The following RPS29 variants were observed in gnomAD, a reference collection of about 807,000 sequenced individuals.
The protein encoded by RPS29 is ribosomal protein S29, also known as small ribosomal subunit protein uS14.
For missense variants in RPS29, 60 were observed against 75.7 expected (o/e 0.79, Z 0.77); for synonymous variants, 37 against 26.9 (o/e 1.37, Z -1.16).
rs1490031487 is a variant in RPS29, at chr14:49,586,035, T to C, written c.77A>G (p.Asn26Ser). ...QGSRSCRVCSNRHGLIRKYGL... is the reference protein window; with the variant it reads ...QGSRSCRVCSSRHGLIRKYGL... The stretch of plus-strand genomic sequence containing the variant: ...ATATTTCCGGATCAGACCGTGCCGG[T>C]TTGAACAGACACGACTGTAAGAAAA... The change falls in exon 2 of 3, where the codon AAC becomes AGC. Residue 26 changes from asparagine to serine, a missense_variant. By Grantham distance (46) the Asn-to-Ser change is conservative. Transcript: ENST00000245458. 1 of 1,613,784 alleles carries C rather than the reference T, an allele frequency of 6.2e-7. No individual in the cohort carries two copies. Among genetic ancestry groups the C allele is most frequent in the Admixed American group, 1.7e-5 (1 of 60,006 alleles).
chr14:49,597,074 T>C (rs1348346337), intron 1 of RPS29, among the ~76,000 whole-genome samples: 2 of 151,836 alleles, frequency 1.3e-5, no homozygotes. Context: ...GCCAACACTC[T>C]GTCTAATTTT....
At chr14:49,585,043 CTTTAAG>C (rs1347903309) in intron 2 of RPS29, among the ~76,000 whole-genome samples, 4 of 152,074 alleles carry the variant, frequency 2.6e-5, no homozygotes, top group Non-Finnish European at 5.9e-5. Context: ...CGGCCCCAAA[CTTTAAG>C]TTCATTCCAG....
At chr14:49,594,154 T>C (rs1308990722) in intron 1 of RPS29, among the ~76,000 whole-genome samples, 1 of 152,216 alleles carries the variant, frequency 6.6e-6, no homozygotes, top group African/African-American at 2.4e-5. Flanking sequence ...GGCTGCAGTA[T>C]GGATGGTGGA....
intron 1 of RPS29, chr14:49,598,354 T>C: frequency 1.5e-6 from 1 of 647,776 alleles, no homozygotes; most frequent in Admixed American, 2.3e-5. Context: ...GGACGGTCTT[T>C]CCACGTCTCA....
At chr14:49,595,600 C>T (rs1881804056) in intron 1 of RPS29, among the ~76,000 whole-genome samples, 1 of 149,924 alleles carries the variant, frequency 6.7e-6, no homozygotes, top group Admixed American at 6.7e-5. Context: ...ACCCTGTCTC[C>T]AAAACTAAGC....
chr14:49,571,936 T>C (rs1444995433), exon 3 of RPS29: 1 of 151,984 alleles, frequency 6.6e-6, no homozygotes, highest in Non-Finnish European at 1.5e-5. Flanking sequence ...AACCCCTACG[T>C]TTTATTGTTT....
upstream of RPS29, among the ~76,000 whole-genome samples, chr14:49,591,069 G>A (rs7153064): frequency 8.4e-3 from 1,280 of 151,984 alleles, 15 homozygotes; most frequent in African/African-American, 0.029. Context: ...TGTCCATATC[G>A]ATTTTAGCAA....
exon 1 of RPS29, chr14:49,598,576 T>C (rs990298305): frequency 2.8e-6 from 2 of 702,126 alleles, no homozygotes; most frequent in South Asian, 3.0e-5. Context: ...CAGTTCTAAG[T>C]GCCTTTCCCT....
At chr14:49,590,953 G>A (rs376334782), upstream of RPS29, among the ~76,000 whole-genome samples, 2 of 151,910 alleles carry the variant, frequency 1.3e-5, no homozygotes, top group Admixed American at 1.3e-4. Context: ...GCCTCCCAAA[G>A]TGCTGGGATT....
chr14:49,583,020 T>C (rs1330647101), downstream of RPS29, among the ~76,000 whole-genome samples: 2 of 152,182 alleles, frequency 1.3e-5, no homozygotes, highest in African/African-American at 2.4e-5. Flanking sequence ...AAACATTTTT[T>C]TCTTTAAAGA....
chr14:49,589,410 C>T (rs1881666021), upstream of RPS29, among the ~76,000 whole-genome samples: 1 of 152,086 alleles, frequency 6.6e-6, no homozygotes, highest in African/African-American at 2.4e-5. Context: ...AGCATTCTAA[C>T]ACTGCAAAGT....
chr14:49,597,858 A>C (rs951139628), intron 1 of RPS29: 8 of 152,166 alleles, frequency 5.3e-5, no homozygotes, highest in African/African-American at 1.9e-4. Context: ...CATGTTGCCC[A>C]AACTGGTCTT....
At chr14:49,578,558 A>ATTTT (rs1881248697) in intron 2 of RPS29, among the ~76,000 whole-genome samples, 3 of 43,024 alleles carry the variant, frequency 7.0e-5, no homozygotes, top group Admixed American at 2.3e-4. Context: ...CAAAGCTTTC[A>ATTTT]CTTTTTTTTT....
chr14:49,584,055 C>T (rs1881428999), intron 2 of RPS29, among the ~76,000 whole-genome samples: 1 of 152,190 alleles, frequency 6.6e-6, no homozygotes, highest in Admixed American at 6.5e-5. Context: ...CATCTCCACT[C>T]ACTGCAACCT....
chr14:49,591,299 T>C (rs1881704701), upstream of RPS29, among the ~76,000 whole-genome samples: 1 of 151,562 alleles, frequency 6.6e-6, no homozygotes, highest in South Asian at 2.1e-4. Context: ...GTTTGTTTGT[T>C]TGTTTGTTTG....
intron 2 of RPS29, among the ~76,000 whole-genome samples, chr14:49,578,559 C>T (rs369845617): frequency 1.5e-4 from 16 of 103,446 alleles, no homozygotes; most frequent in South Asian, 3.0e-4. Flanking sequence ...AAAGCTTTCA[C>T]TTTTTTTTTT....
chr14:49,588,303 TTAAG>T (rs1187613165), upstream of RPS29, among the ~76,000 whole-genome samples: 2 of 152,254 alleles, frequency 1.3e-5, no homozygotes, highest in East Asian at 1.9e-4. Context: ...ATCTGAATAC[TTAAG>T]TAATTCTTAA....
exon 3 of RPS29, chr14:49,577,775 A>G: frequency 6.4e-7 from 1 of 1,562,148 alleles, no homozygotes; most frequent in South Asian, 1.1e-5. Flanking sequence ...GGGCTTCGCG[A>G]GCGGTCTCAG....
chr14:49,587,403 T>G (rs1881613101), upstream of RPS29, among the ~76,000 whole-genome samples: 1 of 152,236 alleles, frequency 6.6e-6, no homozygotes, highest in Non-Finnish European at 1.5e-5. Flanking sequence ...CAGATAAAAC[T>G]GCTCTGAAAT....
Sources: gnomAD v4.1 joint callset for allele counts (sites outside exome capture counted in the v4.1 genomes callset) on GRCh38, gnomAD v4.1.1 for gene constraint, MANE v1.5 for transcripts, NCBI Gene and HGNC (gene_info 2026-07-23, HGNC 2026-07-21) for gene names.